Variants in FBXL2 observed in about 807,000 individuals in gnomAD.
FBXL2 encodes the protein F-box/LRR-repeat protein 2.
In FBXL2, 38 loss-of-function variants were observed where a neutral mutation model predicts 69.2. That is an observed-to-expected ratio of 0.55 (90% CI 0.42 to 0.72). The LOEUF (loss-of-function observed/expected upper bound fraction) is 0.72, where lower values mean the gene tolerates loss of function less well. Among genes scored for constraint, FBXL2 ranks in the 30% least tolerant of loss-of-function variants. The probability of loss-of-function intolerance (pLI) is 0.00; values close to 1 mark genes in which losing one functional copy is unlikely to be tolerated. For missense variants in FBXL2, 354 were observed against 520.3 expected (o/e 0.68, Z 3.11); for synonymous variants, 192 against 201.3 (o/e 0.95, Z 0.39).
intron 2 of FBXL2, among the ~76,000 whole-genome samples, chr3:33,310,622 T>C (rs939706884): frequency 2.0e-5 from 3 of 152,176 alleles, no homozygotes; most frequent in Admixed American, 2.0e-4. Context: ...AGAATTATCC[T>C]TAATTATTTT....
At chr3:33,375,027 TA>T (rs1449622071) in intron 9 of FBXL2, among the ~76,000 whole-genome samples, 2 of 152,218 alleles carry the variant, frequency 1.3e-5, no homozygotes, top group African/African-American at 4.8e-5. Context: ...TTTAAACTTT[TA>T]TTCTCCATTT....
the FBXL2 span, among the ~76,000 whole-genome samples, chr3:33,417,472 T>C: frequency 1.3e-5 from 2 of 152,262 alleles, no homozygotes; most frequent in Non-Finnish European, 1.5e-5. Context: ...GTCCTTTTTA[T>C]TGCCAAATAA....
downstream of FBXL2, chr3:33,392,606 C>A: frequency 6.2e-7 from 1 of 1,611,844 alleles, no homozygotes. Flanking sequence ...CTTGAAAATT[C>A]TGAACCATCT....
At chr3:33,366,223 C>T (rs999177212) in intron 5 of FBXL2, among the ~76,000 whole-genome samples, 19 of 152,032 alleles carry the variant, frequency 1.2e-4, no homozygotes, top group Non-Finnish European at 2.5e-4. Flanking sequence ...TTATTGGATC[C>T]TATTTGCTAC....
At chr3:33,366,476 G>C (rs903752418) in intron 5 of FBXL2, among the ~76,000 whole-genome samples, 1 of 152,140 alleles carries the variant, frequency 6.6e-6, no homozygotes, top group Admixed American at 6.5e-5. Context: ...AGACCAGCCT[G>C]AGCAACACAG....
the FBXL2 span, among the ~76,000 whole-genome samples, chr3:33,418,173 C>G: frequency 6.6e-6 from 1 of 152,162 alleles, no homozygotes; most frequent in Non-Finnish European, 1.5e-5. Context: ...TAAAATTACA[C>G]TCAACCTCAC....
At chr3:33,330,103 C>G (rs1176122365) in intron 2 of FBXL2, among the ~76,000 whole-genome samples, 1 of 151,994 alleles carries the variant, frequency 6.6e-6, no homozygotes, top group African/African-American at 2.4e-5. Flanking sequence ...GGCAACATGG[C>G]AAAACTCTGT....
intron 2 of FBXL2, among the ~76,000 whole-genome samples, chr3:33,301,247 G>A (rs545680439): frequency 6.6e-6 from 1 of 152,194 alleles, no homozygotes; most frequent in South Asian, 2.1e-4. Flanking sequence ...TCCTAATCTT[G>A]TTGAATTCCT....
At chr3:33,415,260 A>G in the FBXL2 span, among the ~76,000 whole-genome samples, 3 of 152,228 alleles carry the variant, frequency 2.0e-5, no homozygotes, top group African/African-American at 7.2e-5. Flanking sequence ...TGACAAAGAC[A>G]ATTGCTTCAG....
chr3:33,328,800 C>CGT (rs1307108395), intron 2 of FBXL2, among the ~76,000 whole-genome samples: 6 of 125,230 alleles, frequency 4.8e-5, no homozygotes, highest in Non-Finnish European at 9.7e-5. Context: ...TGTGTGTGTG[C>CGT]ATGTGTGTGT....
At chr3:33,343,611 C>T (rs187722395) in intron 2 of FBXL2, among the ~76,000 whole-genome samples, 1 of 152,036 alleles carries the variant, frequency 6.6e-6, no homozygotes, top group Non-Finnish European at 1.5e-5. Context: ...ACTACAAACT[C>T]TTCAGCAGGA....
chr3:33,297,860 G>A (rs1431806103), intron 2 of FBXL2, 135 bp downstream of exon 2: 2 of 687,398 alleles, frequency 2.9e-6, no homozygotes, highest in Non-Finnish European at 5.3e-6. Flanking sequence ...TTTTGTTTTT[G>A]TTTTATAGAA....
At chr3:33,342,711 CTTTTTTTTTT>C (rs71070130) in intron 2 of FBXL2, among the ~76,000 whole-genome samples, 32 of 37,922 alleles carry the variant, frequency 8.4e-4, no homozygotes, top group East Asian at 3.1e-3. Context: ...AATATAACTT[CTTTTTTTTTT>C]TTTTTTTTTT....
chr3:33,277,591 T>C (rs1318904703), intron 1 of FBXL2, 76 bp downstream of exon 1: 1 of 1,235,942 alleles, frequency 8.1e-7, no homozygotes, highest in Middle Eastern at 2.7e-4. Context: ...CGCCGCCCGC[T>C]AGGGTCGGGC....
intron 2 of FBXL2, among the ~76,000 whole-genome samples, chr3:33,347,931 C>T (rs774811760): frequency 6.6e-6 from 1 of 151,886 alleles, no homozygotes; most frequent in Non-Finnish European, 1.5e-5. Context: ...AATCCTTTGT[C>T]AGATGTGTAG....
chr3:33,351,990 G>A (rs2040859512), intron 2 of FBXL2, among the ~76,000 whole-genome samples: 1 of 151,328 alleles, frequency 6.6e-6, no homozygotes, highest in Non-Finnish European at 1.5e-5. Context: ...AAGTTAATAT[G>A]GAGAAGCCAA....
chr3:33,341,832 GAAAAAAA>G (rs56386082), intron 2 of FBXL2, among the ~76,000 whole-genome samples: 4 of 58,534 alleles, frequency 6.8e-5, no homozygotes, highest in Non-Finnish European at 9.4e-5. Flanking sequence ...TCCGTCTCAG[GAAAAAAA>G]AAAAAAAAAA....
intron 13 of FBXL2, among the ~76,000 whole-genome samples, chr3:33,381,564 C>G (rs562211098): frequency 6.6e-6 from 1 of 151,440 alleles, no homozygotes; most frequent in African/African-American, 2.4e-5. Flanking sequence ...GTGGAGGTTG[C>G]GTTGAGCCGA....
intron 2 of FBXL2, among the ~76,000 whole-genome samples, chr3:33,348,315 AGTTT>A (rs2040594352): frequency 6.6e-6 from 1 of 151,676 alleles, no homozygotes; most frequent in Admixed American, 6.6e-5. Context: ...GGGAACTTTG[AGTTT>A]ATTATAGGTA....
Sources: allele counts gnomAD v4.1 joint callset (sites outside exome capture counted in the v4.1 genomes callset), GRCh38; gene constraint gnomAD v4.1.1; transcripts MANE v1.5; gene names NCBI Gene and HGNC (gene_info 2026-07-23, HGNC 2026-07-21).